CFAP299: variants seen among roughly 807,000 people sequenced by gnomAD.
CFAP299 encodes cilia- and flagella-associated protein 299.
A neutral mutation model predicts 27.0 loss-of-function variants in CFAP299; 21 were observed. The observed-to-expected ratio is 0.78, with a 90% CI of 0.55 to 1.12. The LOEUF is 1.12. Among genes scored for constraint, CFAP299 ranks in the 50% most tolerant of loss-of-function variants. The pLI is 0.00. For missense variants in CFAP299, 310 were observed against 276.6 expected, an observed-to-expected ratio of 1.12 and a Z score of -0.86; for synonymous variants, 104 against 98.1, an observed-to-expected ratio of 1.06 and a Z score of -0.36.
At chr4:80,556,528 A>C (rs1242822383) in intron 2 of CFAP299, among the ~76,000 whole-genome samples, 36 of 152,016 alleles carry the variant, frequency 2.4e-4, no homozygotes, top group Non-Finnish European at 2.9e-5. Flanking sequence ...AGGAAGCTAA[A>C]CACCATCTCA....
At chr4:80,908,544 A>G (rs975929647) in intron 4 of CFAP299, among the ~76,000 whole-genome samples, 1 of 152,182 alleles carries the variant, frequency 6.6e-6, no homozygotes, top group Non-Finnish European at 1.5e-5. Flanking sequence ...TTACTCTTAC[A>G]TACTCTGATT....
At chr4:80,412,299 TA>T (rs1428845854) in intron 2 of CFAP299, among the ~76,000 whole-genome samples, 2 of 151,246 alleles carry the variant, frequency 1.3e-5, no homozygotes, top group Non-Finnish European at 2.9e-5. Flanking sequence ...TATTAAACAC[TA>T]AACATAAAAG....
chr4:80,554,168 A>G (rs981849704), intron 2 of CFAP299, among the ~76,000 whole-genome samples: 2 of 152,214 alleles, frequency 1.3e-5, no homozygotes, highest in African/African-American at 2.4e-5. Flanking sequence ...TGATTTTTGT[A>G]TATGGTGTAA....
At position 80,488,372 on chromosome 4, in the gene CFAP299, A is replaced by G. The variant is rs534731890; in HGVS notation, c.243-94721A>G. Among the ~76,000 whole-genome samples the G allele has an allele frequency of 7.2e-5, 11 of 152,340 alleles. No individual in the cohort carries two copies. The South Asian group carries it at 2.3e-3, about 32-fold the overall frequency. ...CAACTGAGAAATTTTAGGCATCATC[A>G]ACTTAATTTATTCATTAGTGATTAT... On this transcript the variant is annotated intron_variant, in intron 2 of 5. Coordinates refer to ENST00000358105, the MANE Select transcript of CFAP299 (RefSeq NM_152770.3).
intron 2 of CFAP299, among the ~76,000 whole-genome samples, chr4:80,560,050 G>A (rs906616843): frequency 9.9e-5 from 15 of 151,966 alleles, no homozygotes; most frequent in African/African-American, 2.7e-4. Flanking sequence ...TGCATAGCCC[G>A]TGACTCCAAA....
chr4:80,760,766 T>C (rs971836465), intron 3 of CFAP299, among the ~76,000 whole-genome samples: 1 of 152,042 alleles, frequency 6.6e-6, no homozygotes, highest in Non-Finnish European at 1.5e-5. Flanking sequence ...TACAGAGAAT[T>C]AAAGGTAAAA....
chr4:80,504,676 A>G (rs1731926145), intron 2 of CFAP299, among the ~76,000 whole-genome samples: 2 of 147,554 alleles, frequency 1.4e-5, no homozygotes, highest in Admixed American at 6.8e-5. Flanking sequence ...AGGTTTCAAG[A>G]ATGGGGGATT....
chr4:80,867,056 T>C (rs752844584), intron 3 of CFAP299, among the ~76,000 whole-genome samples: 12 of 152,188 alleles, frequency 7.9e-5, no homozygotes, highest in Non-Finnish European at 1.6e-4. Context: ...CTAGAAATAA[T>C]GGCAGTGAAT....
At chr4:80,422,510 T>C (rs1171825239) in intron 2 of CFAP299, among the ~76,000 whole-genome samples, 1 of 152,208 alleles carries the variant, frequency 6.6e-6, no homozygotes, top group African/African-American at 2.4e-5. Context: ...TTTTTCAAGT[T>C]TCTGCTTTTT....
intron 2 of CFAP299, among the ~76,000 whole-genome samples, chr4:80,419,616 C>G (rs762267850): frequency 6.6e-6 from 1 of 152,074 alleles, no homozygotes; most frequent in Non-Finnish European, 1.5e-5. Context: ...TTACAGAGAC[C>G]GTTAACAATC....
chr4:80,646,552 TAA>T (rs1364729348), intron 3 of CFAP299, among the ~76,000 whole-genome samples: 1 of 152,232 alleles, frequency 6.6e-6, no homozygotes, highest in Non-Finnish European at 1.5e-5. Flanking sequence ...GTTTAATTTT[TAA>T]GTTTCTTTAA....
At chr4:80,729,592 CTTTTTTTTTT>C (rs34745276) in intron 3 of CFAP299, among the ~76,000 whole-genome samples, 1 of 64,318 alleles carries the variant, frequency 1.6e-5, no homozygotes, top group African/African-American at 5.8e-5. Context: ...GCTTCAGCAT[CTTTTTTTTTT>C]TTTTTTTTTT....
intron 2 of CFAP299, among the ~76,000 whole-genome samples, chr4:80,451,628 A>T (rs540817532): frequency 4.1e-4 from 63 of 152,316 alleles, no homozygotes; most frequent in Admixed American, 7.2e-4. Flanking sequence ...TTAATGCTTG[A>T]TTTAAAGTTT....
intron 3 of CFAP299, among the ~76,000 whole-genome samples, chr4:80,671,107 G>A (rs1420722467): frequency 5.9e-5 from 9 of 152,132 alleles, no homozygotes; most frequent in Non-Finnish European, 1.5e-5. Context: ...TTCTTCTAGG[G>A]TTTTTATGGC....
At chr4:80,408,984 G>A (rs1331221883) in intron 2 of CFAP299, among the ~76,000 whole-genome samples, 3 of 150,874 alleles carry the variant, frequency 2.0e-5, no homozygotes. Flanking sequence ...GGGAGGCTGG[G>A]GTGGGAGAAT....
At position 80,742,802 on chromosome 4, in the gene CFAP299, G is replaced by A. The variant is rs368492334; in HGVS notation, c.334-127191G>A. Among the ~76,000 whole-genome samples, 58 of 152,202 alleles carry A rather than the reference G, an allele frequency of 3.8e-4. No homozygotes were observed. The South Asian group carries it at 0.012, about 31-fold the overall frequency. On this transcript the variant is annotated intron_variant, in intron 3 of 5. Coordinates refer to ENST00000358105, the MANE Select transcript of CFAP299 (RefSeq NM_152770.3). ...AGGAAAGCCAGAAAAGCTCAAAAGT[G>A]GAATGTTGATCTTAATTCAGTTGAC...
chr4:80,452,280 G>T (rs902514127), intron 2 of CFAP299, among the ~76,000 whole-genome samples: 3 of 151,966 alleles, frequency 2.0e-5, no homozygotes, highest in African/African-American at 7.3e-5. Context: ...ACATCATTCT[G>T]TTACGACCAA....
chr4:80,713,060 A>T (rs1407869887), intron 3 of CFAP299, among the ~76,000 whole-genome samples: 1 of 152,130 alleles, frequency 6.6e-6, no homozygotes, highest in Non-Finnish European at 1.5e-5. Flanking sequence ...AGATGATGTA[A>T]AAACTAACCA....
At chr4:80,576,865 TA>T (rs1177726102) in intron 2 of CFAP299, among the ~76,000 whole-genome samples, 1 of 152,122 alleles carries the variant, frequency 6.6e-6, no homozygotes, top group Non-Finnish European at 1.5e-5. Context: ...TTCTTTGGCT[TA>T]AAAAAATTAA....
Sources: allele counts gnomAD v4.1 joint callset (sites outside exome capture counted in the v4.1 genomes callset), GRCh38; gene constraint gnomAD v4.1.1; transcripts MANE v1.5; gene names NCBI Gene and HGNC (gene_info 2026-07-23, HGNC 2026-07-21).